The following FBXL17 variants were observed in gnomAD, a reference collection of about 807,000 sequenced individuals.
FBXL17 encodes F-box/LRR-repeat protein 17.
A neutral mutation model predicts 66.2 loss-of-function variants in FBXL17; 22 were observed. That is an observed-to-expected ratio of 0.33 (90% CI 0.24 to 0.47). FBXL17 has a LOEUF of 0.47. Among genes scored for constraint, FBXL17 ranks in the 20% least tolerant of loss-of-function variants. The pLI is 1.00. For synonymous variants in FBXL17, 474 were observed against 400.5 expected (o/e 1.18, Z -2.19); for missense variants, 878 against 948.2 (o/e 0.93, Z 0.97).
intron 7 of FBXL17, among the ~76,000 whole-genome samples, chr5:107,969,949 T>A (rs1222302947): frequency 6.6e-6 from 1 of 152,208 alleles, no homozygotes; most frequent in Non-Finnish European, 1.5e-5. Context: ...TTTAAAATGA[T>A]GCATTTCAGA....
chr5:108,252,947 T>A (rs943157785), intron 4 of FBXL17, among the ~76,000 whole-genome samples: 1 of 152,220 alleles, frequency 6.6e-6, no homozygotes, highest in South Asian at 2.1e-4. Context: ...GATGTGAAGA[T>A]GTTCTGAGGC....
chr5:108,202,405 A>G (rs1018102116), intron 5 of FBXL17, among the ~76,000 whole-genome samples: 1 of 152,134 alleles, frequency 6.6e-6, no homozygotes, highest in African/African-American at 2.4e-5. Flanking sequence ...CAGCATGAAA[A>G]AATAAAAGTG....
intron 4 of FBXL17, among the ~76,000 whole-genome samples, chr5:108,325,231 TA>T (rs1017066423): frequency 4.6e-5 from 7 of 151,876 alleles, no homozygotes; most frequent in Non-Finnish European, 8.8e-5. Flanking sequence ...ATTTAAGAGA[TA>T]AAAAAACTGA....
Position 108,113,498 on chromosome 5 carries a change from TGG to T in FBXL17, c.1745+72617_1745+72618del, listed in dbSNP as rs1750121716. On this transcript the variant is annotated intron_variant, in intron 6 of 8. Transcript: ENST00000542267. The stretch of plus-strand genomic sequence containing the variant: ...TATCGAGAATGGAAGGAAATATGAA[TGG>T]GGGTAATAAATGTGAGCAAATCCAG... Among the ~76,000 whole-genome samples the T allele has an allele frequency of 2.0e-5, 3 of 152,112 alleles. No homozygotes were observed. The South Asian group carries it at 6.2e-4, about 32-fold the overall frequency.
At chr5:108,267,058 C>T (rs924716665) in intron 4 of FBXL17, among the ~76,000 whole-genome samples, 1 of 151,824 alleles carries the variant, frequency 6.6e-6, no homozygotes, top group Non-Finnish European at 1.5e-5. Flanking sequence ...AAAAAACATG[C>T]TTTTTACTAT....
intron 6 of FBXL17, among the ~76,000 whole-genome samples, chr5:108,170,313 A>G (rs1403376313): frequency 6.6e-6 from 1 of 152,178 alleles, no homozygotes; most frequent in African/African-American, 2.4e-5. Flanking sequence ...AATCTGAGGC[A>G]GGTCTGATTA....
intron 7 of FBXL17, among the ~76,000 whole-genome samples, chr5:108,001,125 A>C (rs1056081810): frequency 6.6e-6 from 1 of 152,218 alleles, no homozygotes; most frequent in African/African-American, 2.4e-5. Context: ...GGTAAAAAGA[A>C]GAAAAATTAT....
chr5:108,225,640 TC>T (rs1755069500), intron 4 of FBXL17, among the ~76,000 whole-genome samples: 1 of 152,202 alleles, frequency 6.6e-6, no homozygotes, highest in Non-Finnish European at 1.5e-5. Context: ...AACACTTTGA[TC>T]TTGGACTTCC....
chr5:108,208,651 T>C (rs1754232059), intron 5 of FBXL17, among the ~76,000 whole-genome samples: 1 of 152,200 alleles, frequency 6.6e-6, no homozygotes, highest in Admixed American at 6.5e-5. Flanking sequence ...TAGGTCTCTG[T>C]TCTGTTCCAC....
chr5:108,349,792 G>A (rs1369887480), intron 3 of FBXL17, among the ~76,000 whole-genome samples: 1 of 152,078 alleles, frequency 6.6e-6, no homozygotes, highest in Non-Finnish European at 1.5e-5. Flanking sequence ...TTAATTCAGT[G>A]GTTCTAACTG....
At chr5:108,102,480 T>G (rs562211532) in intron 6 of FBXL17, among the ~76,000 whole-genome samples, 1 of 152,286 alleles carries the variant, frequency 6.6e-6, no homozygotes, top group Admixed American at 6.5e-5. Flanking sequence ...GCAAATTGCT[T>G]AAACCTTTGT....
At chr5:107,871,069 A>AAAAAAAAAAACAAAAC (rs1554080846) in intron 8 of FBXL17, among the ~76,000 whole-genome samples, 1 of 130,174 alleles carries the variant, frequency 7.7e-6, no homozygotes, top group African/African-American at 3.2e-5. Flanking sequence ...AAAAAAAAAA[A>AAAAAAAAAAACAAAAC]AAAAAAAAAA....
rs1340189082 is a variant in FBXL17 at position 108,223,518 on chromosome 5, T to C, written c.1614+603A>G. On this transcript the variant is annotated intron_variant, in intron 5 of 8. Transcript: ENST00000542267. ...GTAGCCAGCTTTTCCATTACACAAA[T>C]GTAAGAATTGGCTTTTAATTATTTT... Among the ~76,000 whole-genome samples the C allele has an allele frequency of 2.6e-5, 4 of 152,056 alleles. No homozygotes were observed. The South Asian group carries it at 8.3e-4, about 31-fold the overall frequency.
intron 7 of FBXL17, among the ~76,000 whole-genome samples, chr5:108,009,298 T>TAGATAGATAGATAGATAGATAGACAG (rs1475870219): frequency 1.4e-5 from 1 of 71,450 alleles, no homozygotes; most frequent in Non-Finnish European, 2.5e-5. Context: ...TATATATATA[T>TAGATAGATAGATAGATAGATAGACAG]ATACATATAT....
intron 4 of FBXL17, among the ~76,000 whole-genome samples, chr5:108,305,185 T>C (rs549196195): frequency 2.0e-5 from 3 of 152,108 alleles, no homozygotes; most frequent in Middle Eastern, 3.4e-3. Flanking sequence ...TTGGTTAACA[T>C]AGAGTTGGTT....
At chr5:108,261,996 G>T (rs1377225587) in intron 4 of FBXL17, among the ~76,000 whole-genome samples, 1 of 151,630 alleles carries the variant, frequency 6.6e-6, no homozygotes, top group Non-Finnish European at 1.5e-5. Context: ...GGAGATGGGG[G>T]GGATGGGACA....
chr5:108,238,469 A>G (rs1383598190), intron 4 of FBXL17, among the ~76,000 whole-genome samples: 3 of 152,178 alleles, frequency 2.0e-5, no homozygotes, highest in Non-Finnish European at 1.5e-5. Flanking sequence ...CTGTATTAAA[A>G]TGGTCATTTG....
chr5:108,381,634 A>T lies in FBXL17; in HGVS notation c.58T>A (p.Cys20Ser). The T allele has an allele frequency of 1.3e-6, 2 of 1,495,686 alleles. No homozygotes were observed. Among genetic ancestry groups the T allele is most frequent in the Non-Finnish European group, 1.8e-6 (2 of 1,127,244 alleles). The allele number at this position is 1,495,686 out of a possible 1,614,324, so 92.7% of individuals were successfully genotyped here. ...CGCCGGCGGCGGCACCAACTGCAAC[A>T]GCGAGGCCTCTTCTGGCTCGGGCGG... is the stretch of plus-strand genomic sequence containing the variant. Reference protein sequence around the residue: ...RNRPSQKRPRCCSWCRRRRPL... With the variant: ...RNRPSQKRPRSCSWCRRRRPL... The change falls in exon 1 of 9, where the codon TGT becomes AGT. Residue 20 changes from cysteine (C) to serine (S), a missense_variant. Cys to Ser is a moderately radical substitution (Grantham distance 112, BLOSUM62 -1). Transcript: ENST00000542267.
chr5:108,174,748 C>CAAAAAAAAAAA (rs34237156), intron 6 of FBXL17, among the ~76,000 whole-genome samples: 2 of 92,524 alleles, frequency 2.2e-5, no homozygotes, highest in Non-Finnish European at 4.1e-5. Flanking sequence ...CACAAAGAAG[C>CAAAAAAAAAAA]AAAAAAAAAA....
Sources: gnomAD v4.1 joint callset for allele counts (sites outside exome capture counted in the v4.1 genomes callset) on GRCh38, gnomAD v4.1.1 for gene constraint, MANE v1.5 for transcripts, NCBI Gene and HGNC (gene_info 2026-07-23, HGNC 2026-07-21) for gene names.